KCTD8: variants seen among roughly 807,000 people sequenced by gnomAD.
KCTD8 encodes the protein BTB/POZ domain-containing protein KCTD8.
A neutral mutation model predicts 31.5 loss-of-function variants in KCTD8; 27 were observed. The ratio of observed to expected loss-of-function variants is 0.86; its 90% CI spans 0.63 to 1.18. The LOEUF is 1.18. Among genes scored for constraint, KCTD8 ranks in the 50% most tolerant of loss-of-function variants. The probability of loss-of-function intolerance (pLI) is 0.00; values close to 1 mark genes in which losing one functional copy is unlikely to be tolerated. For synonymous variants in KCTD8, 290 were observed against 280.0 expected (o/e 1.04, Z -0.36); for missense variants, 658 against 647.7 (o/e 1.02, Z -0.17).
chr4:44,215,844 A>C (rs2109345643), intron 1 of KCTD8, among the ~76,000 whole-genome samples: 1 of 152,312 alleles, frequency 6.6e-6, no homozygotes, highest in East Asian at 1.9e-4. Flanking sequence ...GTCTGCCTTA[A>C]CTGATACATC....
intron 1 of KCTD8, among the ~76,000 whole-genome samples, chr4:44,224,954 C>T (rs1279703078): frequency 6.6e-6 from 1 of 152,140 alleles, no homozygotes; most frequent in East Asian, 1.9e-4. Context: ...TTGCTTCCGC[C>T]CACATTTCAT....
chr4:44,272,694 C>T lies in KCTD8; in HGVS notation c.962-97444G>A, dbSNP rs754015053. On this transcript the variant is annotated intron_variant, in intron 1 of 1. Coordinates refer to ENST00000360029, the MANE Select transcript of KCTD8 (RefSeq NM_198353.3). ...CATTTTGATTAAAAGATTGATTCAA[C>T]AGATCTATTTTTATGTTAGTCATGA... Among the ~76,000 whole-genome samples, 6 of 152,070 alleles carry T rather than the reference C, an allele frequency of 3.9e-5. No homozygotes were observed. In the East Asian group the frequency reaches 5.8e-4, roughly 15 times the overall value.
At chr4:44,392,045 A>G (rs1190411250) in intron 1 of KCTD8, among the ~76,000 whole-genome samples, 2 of 152,046 alleles carry the variant, frequency 1.3e-5, no homozygotes, top group African/African-American at 4.8e-5. Flanking sequence ...TCAGAATTTC[A>G]GAAACAGTAG....
intron 1 of KCTD8, among the ~76,000 whole-genome samples, chr4:44,297,906 C>T (rs996462395): frequency 2.0e-5 from 3 of 152,134 alleles, no homozygotes; most frequent in African/African-American, 7.2e-5. Flanking sequence ...TAATTAGCGG[C>T]CAGTCCTTGC....
At chr4:44,381,624 A>G (rs765311767) in intron 1 of KCTD8, among the ~76,000 whole-genome samples, 3 of 152,072 alleles carry the variant, frequency 2.0e-5, no homozygotes, top group Admixed American at 6.6e-5. Flanking sequence ...GGGATTGCCA[A>G]TGCTGGAGGT....
At chr4:44,347,618 C>A (rs1456462197) in intron 1 of KCTD8, among the ~76,000 whole-genome samples, 1 of 152,074 alleles carries the variant, frequency 6.6e-6, no homozygotes, top group Non-Finnish European at 1.5e-5. Flanking sequence ...CCCAGTAAAC[C>A]ATTAACAAGT....
At chr4:44,378,586 T>C (rs1719978797) in intron 1 of KCTD8, among the ~76,000 whole-genome samples, 1 of 152,154 alleles carries the variant, frequency 6.6e-6, no homozygotes, top group Admixed American at 6.6e-5. Context: ...TACATGTTAC[T>C]GCTCTAGAGC....
intron 1 of KCTD8, among the ~76,000 whole-genome samples, chr4:44,300,276 C>T (rs1247448816): frequency 6.6e-6 from 1 of 152,038 alleles, no homozygotes; most frequent in African/African-American, 2.4e-5. Context: ...CGATTTTTAT[C>T]ACTAATAATA....
intron 1 of KCTD8, among the ~76,000 whole-genome samples, chr4:44,294,567 A>G (rs1717375281): frequency 6.6e-6 from 1 of 152,304 alleles, no homozygotes; most frequent in East Asian, 1.9e-4. Context: ...TAGAGTGTCT[A>G]TTCATGAAAA....
intron 1 of KCTD8, among the ~76,000 whole-genome samples, chr4:44,365,696 T>C (rs1719614577): frequency 6.6e-6 from 1 of 152,064 alleles, no homozygotes; most frequent in South Asian, 2.1e-4. Context: ...ACTGCAAACT[T>C]TTTGGAGGGC....
In KCTD8 at chr4:44,174,446, G is replaced by GT. The variant is rs1713136568; in HGVS notation, c.*343dup. The GT allele has an allele frequency of 5.4e-6, 1 of 186,716 alleles. No homozygotes were observed. The highest frequency in any genetic ancestry group is 5.9e-5 in the Admixed American group (1 of 17,000). The allele number at this position is 186,716 out of a possible 1,614,324, so 11.6% of individuals were successfully genotyped here. On this transcript the variant is annotated 3_prime_UTR_variant, in exon 2 of 2. Transcript: ENST00000360029. ...TTTAGTTGGTATGATATGATGGTTTGTTTTTGGTAAGTTACAAAATGACAA... is the reference window on the plus strand; with the variant it reads ...TTTAGTTGGTATGATATGATGGTTTGTTTTTTGGTAAGTTACAAAATGACAA...
intron 1 of KCTD8, among the ~76,000 whole-genome samples, chr4:44,250,298 A>G (rs969101973): frequency 6.6e-6 from 1 of 151,786 alleles, no homozygotes; most frequent in African/African-American, 2.4e-5. Context: ...ATATGGTGTT[A>G]TCTGAGTTAG....
chr4:44,429,947 A>G (rs1225330664), intron 1 of KCTD8, among the ~76,000 whole-genome samples: 1 of 151,646 alleles, frequency 6.6e-6, no homozygotes, highest in Non-Finnish European at 1.5e-5. Flanking sequence ...ATAAATTGCA[A>G]TGGCTTTCCT....
At chr4:44,265,268 C>A (rs995948705) in intron 1 of KCTD8, among the ~76,000 whole-genome samples, 1 of 152,124 alleles carries the variant, frequency 6.6e-6, no homozygotes, top group Non-Finnish European at 1.5e-5. Flanking sequence ...CCGCTGCTGA[C>A]ACCCAGGCAA....
chr4:44,448,679 G>GCGGCGGCGT lies in KCTD8; in HGVS notation c.-165_-157dup. On this transcript the variant is annotated 5_prime_UTR_variant, in exon 1 of 2. Coordinates refer to ENST00000360029, the MANE Select transcript of KCTD8 (RefSeq NM_198353.3). The surrounding 1 kb of genome is among the most constrained non-coding windows in gnomAD (Gnocchi z 4.1). ...GCGGCCCCGCTCAGGGTTCGGGGCA[G>GCGGCGGCGT]CGGCGGCGTCGGCGGCGCCCGAGCT... The GCGGCGGCGT allele has an allele frequency of 2.6e-6, 2 of 766,756 alleles. No individual in the cohort carries two copies. The highest frequency in any genetic ancestry group is 3.6e-5 in the African/African-American group (2 of 55,448). The allele number at this position is 766,756 out of a possible 1,614,324, so 47.5% of individuals were successfully genotyped here. A position where few individuals can be genotyped will look rare whatever the true frequency, so the allele number is the denominator to read the frequency against.
chr4:44,322,466 T>C (rs1718320411), intron 1 of KCTD8, among the ~76,000 whole-genome samples: 1 of 152,096 alleles, frequency 6.6e-6, no homozygotes, highest in African/African-American at 2.4e-5. Flanking sequence ...TTTTGAGTTG[T>C]TTCAGTTCCT....
chr4:44,230,803 AT>A (rs1160229522), intron 1 of KCTD8, among the ~76,000 whole-genome samples: 1 of 152,184 alleles, frequency 6.6e-6, no homozygotes, highest in Non-Finnish European at 1.5e-5. Flanking sequence ...TTGCCATTAA[AT>A]TTTTTTAATA....
chr4:44,415,779 G>A (rs183095620), intron 1 of KCTD8, among the ~76,000 whole-genome samples: 25 of 152,348 alleles, frequency 1.6e-4, no homozygotes, highest in East Asian at 1.2e-3. Flanking sequence ...TTCAAAAGAC[G>A]TGCTGGAAAG....
chr4:44,315,863 CTTTGT>C (rs1353878504), intron 1 of KCTD8, among the ~76,000 whole-genome samples: 2 of 152,158 alleles, frequency 1.3e-5, no homozygotes, highest in South Asian at 4.2e-4. Flanking sequence ...ATGCAATATA[CTTTGT>C]TTTATTTCTT....
Sources: allele counts gnomAD v4.1 joint callset (sites outside exome capture counted in the v4.1 genomes callset), GRCh38; gene constraint gnomAD v4.1.1; non-coding constraint Gnocchi (gnomAD v3.1); transcripts MANE v1.5; gene names NCBI Gene and HGNC (gene_info 2026-07-23, HGNC 2026-07-21).